Variants in PCDHA9 observed in about 807,000 individuals in gnomAD.
The protein encoded by PCDHA9 is protocadherin alpha-9.
In PCDHA9, 62 loss-of-function variants were observed where a neutral mutation model predicts 62.0. The ratio of observed to expected loss-of-function variants is 1.00; its 90% CI spans 0.81 to 1.23. The LOEUF (loss-of-function observed/expected upper bound fraction) is 1.23. PCDHA9 is among the 50% of genes most tolerant of loss of function. The pLI is 0.00. For synonymous variants in PCDHA9, 557 were observed against 567.6 expected (o/e 0.98, Z 0.27); for missense variants, 1,205 against 1,249.8 (o/e 0.96, Z 0.54).
intron 1 of PCDHA9, among the ~76,000 whole-genome samples, chr5:140,910,488 A>G (rs1195141583): frequency 2.0e-5 from 3 of 152,232 alleles, no homozygotes; most frequent in African/African-American, 7.2e-5. Flanking sequence ...CATACAGAGA[A>G]GAGCAATCAC....
rs782446287 is a variant in PCDHA9, at chr5:140,870,927, T to A, written c.2394+20038T>A. The A allele has an allele frequency of 1.9e-6, 3 of 1,613,762 alleles. No homozygotes were observed. The African/African-American group carries it at 4.0e-5, about 22-fold the overall frequency. ...CAGGCTACAACGCGTGGCTTTCATA[T>A]GAATTGCAGCCGGCGGCGGGCGGCT... is the stretch of plus-strand genomic sequence containing the variant. On this transcript the variant is annotated intron_variant, in intron 1 of 3. Transcript: ENST00000532602.
chr5:140,849,881 G>T lies in PCDHA9; in HGVS notation c.1386G>T (p.Val462=). ...APAFAQSEYT[V]FVKENNPPGC... is the part of the protein sequence containing the mutation. ...CGTTCGCGCAGTCCGAGTACACGGT[G>T]TTCGTGAAGGAGAACAACCCGCCGG... The change falls in exon 1 of 4, where the codon GTG becomes GTT. Residue 462 remains valine (V), a synonymous_variant. Coordinates refer to ENST00000532602, the MANE Select transcript of PCDHA9 (RefSeq NM_031857.2). 1 of 1,598,596 alleles carries T rather than the reference G, an allele frequency of 6.3e-7. No homozygotes were observed. The highest frequency in any genetic ancestry group is 8.6e-7 in the Non-Finnish European group (1 of 1,167,986).
chr5:140,967,084 T>G (rs782593106), intron 1 of PCDHA9: 1 of 1,613,270 alleles, frequency 6.2e-7, no homozygotes, highest in Admixed American at 1.7e-5. Context: ...AGCGCATTGA[T>G]CGGGAGGCGC....
chr5:140,905,437 C>T (rs190555934), intron 1 of PCDHA9, among the ~76,000 whole-genome samples: 1 of 152,130 alleles, frequency 6.6e-6, no homozygotes, highest in Non-Finnish European at 1.5e-5. Flanking sequence ...ATAACTACAG[C>T]CTTTTAGTAT....
At chr5:140,920,828 G>A (rs1482219421) in intron 1 of PCDHA9, among the ~76,000 whole-genome samples, 4 of 147,976 alleles carry the variant, frequency 2.7e-5, no homozygotes, top group African/African-American at 1.0e-4. Context: ...TGGCGACGGA[G>A]CAAGACCAAA....
chr5:140,870,775 A>G (rs782661485), intron 1 of PCDHA9: 3 of 1,613,592 alleles, frequency 1.9e-6, no homozygotes, highest in Non-Finnish European at 1.7e-6. Context: ...GCTGGACGAG[A>G]ACGACAACGC....
chr5:140,979,391 T>C (rs1298274291), intron 2 of PCDHA9, among the ~76,000 whole-genome samples: 1 of 152,202 alleles, frequency 6.6e-6, no homozygotes, highest in Non-Finnish European at 1.5e-5. Context: ...AATGTATACA[T>C]ACATGTTGTC....
Position 140,885,793 on chromosome 5 carries a change from A to G in PCDHA9, c.2394+34904A>G, listed in dbSNP as rs541928241. On this transcript the variant is annotated intron_variant, in intron 1 of 3. Coordinates refer to ENST00000532602, the MANE Select transcript of PCDHA9 (RefSeq NM_031857.2). ...TATTAGTGAATTTGAGCATATTGTCATATGTATTTTGTTGATTTGTATTTG... is the reference window on the plus strand; with the variant it reads ...TATTAGTGAATTTGAGCATATTGTCGTATGTATTTTGTTGATTTGTATTTG... Among the ~76,000 whole-genome samples the G allele has an allele frequency of 2.0e-5, 3 of 152,162 alleles. No homozygotes were observed. The South Asian group carries it at 6.2e-4, about 32-fold the overall frequency.
intron 1 of PCDHA9, chr5:140,870,062 A>G (rs1554163774): frequency 5.0e-6 from 8 of 1,613,902 alleles, no homozygotes; most frequent in South Asian, 3.3e-5. Context: ...ATTGAAGTAC[A>G]GGCTACAGAT....
In PCDHA9 at chr5:140,977,177, T is replaced by G. The variant is rs139020033; in HGVS notation, c.2395-1772T>G. On this transcript the variant is annotated intron_variant, in intron 1 of 3. Coordinates refer to ENST00000532602, the MANE Select transcript of PCDHA9 (RefSeq NM_031857.2). ...CCTTTCAGCAAAATGAGTTTGATGA[T>G]TTCATTCCAAAGATCAAGTTGCAGC... 6.8e-3 allele frequency among the ~76,000 whole-genome samples: 1,032 copies of G among 152,274 alleles called. 9 individuals are homozygous for G. Among genetic ancestry groups the G allele is most frequent in the African/African-American group, 0.023 (966 of 41,542 alleles).
chr5:140,929,330 G>T, intron 1 of PCDHA9: 1 of 1,535,218 alleles, frequency 6.5e-7, no homozygotes. Context: ...GCCATGGTAA[G>T]CAAATTTTAT....
rs77488964 is a variant in PCDHA9, at chr5:140,929,006, C to T, written c.2395-49943C>T. The T allele has an allele frequency of 3.2e-3, 5,179 of 1,614,048 alleles. 25 individuals carry two copies. Among genetic ancestry groups the T allele is most frequent in the African/African-American group, 0.019 (1,447 of 75,028 alleles). ...GGGTGCTTACTTTTCTTCGTGTGTA[C>T]CAAGTTGCACCAGAGCCCAGGCTGT... is the stretch of plus-strand genomic sequence containing the variant. On this transcript the variant is annotated intron_variant, in intron 1 of 3. Coordinates refer to ENST00000532602, the MANE Select transcript of PCDHA9 (RefSeq NM_031857.2).
rs184672024 is a variant in PCDHA9, at chr5:140,889,762, T to C, written c.2394+38873T>C. Among the ~76,000 whole-genome samples, 15 of 152,308 alleles carry C rather than the reference T, an allele frequency of 9.8e-5. No homozygotes were observed. The East Asian group carries it at 2.9e-3, about 29-fold the overall frequency. The stretch of plus-strand genomic sequence containing the variant: ...GAGTCTAATTTTTCTTTCCTTGAAC[T>C]TTGACTGGTCTTAATATTGGAAGTA... On this transcript the variant is annotated intron_variant, in intron 1 of 3. Coordinates refer to ENST00000532602, the MANE Select transcript of PCDHA9 (RefSeq NM_031857.2).
At chr5:140,944,678 A>G (rs1483326984) in intron 1 of PCDHA9, among the ~76,000 whole-genome samples, 4 of 152,162 alleles carry the variant, frequency 2.6e-5, no homozygotes, top group African/African-American at 9.7e-5. Context: ...TATTCTGTGT[A>G]TCCTATTAAT....
At chr5:140,854,919 A>G (rs1554147504) in intron 1 of PCDHA9, among the ~76,000 whole-genome samples, 1 of 150,004 alleles carries the variant, frequency 6.7e-6, no homozygotes, top group African/African-American at 2.4e-5. Context: ...GGTTGAAAGC[A>G]TTTGCCTCTG....
chr5:140,976,323 G>A (rs532976656), intron 1 of PCDHA9, among the ~76,000 whole-genome samples: 26 of 152,258 alleles, frequency 1.7e-4, no homozygotes, highest in African/African-American at 6.0e-4. Context: ...GGCCGAGGAG[G>A]GTGGATTGCC....
At chr5:140,936,340 C>T (rs1346812812) in intron 1 of PCDHA9, among the ~76,000 whole-genome samples, 1 of 152,102 alleles carries the variant, frequency 6.6e-6, no homozygotes, top group Non-Finnish European at 1.5e-5. Flanking sequence ...TCTCTATCTG[C>T]ATATATGGAA....
chr5:140,953,837 C>T (rs1585533226), intron 1 of PCDHA9, among the ~76,000 whole-genome samples: 1 of 151,614 alleles, frequency 6.6e-6, no homozygotes, highest in African/African-American at 2.4e-5. Flanking sequence ...GGTTTGTTAC[C>T]CAGGTAAACA....
At position 140,870,533 on chromosome 5, in the gene PCDHA9, C is replaced by A. The variant is rs1185177447; in HGVS notation, c.2394+19644C>A. The A allele has an allele frequency of 1.9e-6, 3 of 1,614,050 alleles. No individual in the cohort carries two copies. The African/African-American group carries it at 4.0e-5, about 22-fold the overall frequency. ...CCAGGCTGCCACATCTTCACAGTGTCGGCGCGGGACGCGGACGCGCAGGAG... is the reference window on the plus strand; with the variant it reads ...CCAGGCTGCCACATCTTCACAGTGTAGGCGCGGGACGCGGACGCGCAGGAG... On this transcript the variant is annotated intron_variant, in intron 1 of 3. Transcript: ENST00000532602.
Sources: gnomAD v4.1 joint callset for allele counts (sites outside exome capture counted in the v4.1 genomes callset) on GRCh38, gnomAD v4.1.1 for gene constraint, MANE v1.5 for transcripts, NCBI Gene and HGNC (gene_info 2026-07-23, HGNC 2026-07-21) for gene names.